PAX7: variants seen among roughly 807,000 people sequenced by gnomAD.
PAX7 encodes the protein paired box protein Pax-7.
In PAX7, 18 loss-of-function variants were observed where a neutral mutation model predicts 50.7. The ratio of observed to expected loss-of-function variants is 0.36; its 90% CI spans 0.25 to 0.53. PAX7 has a LOEUF of 0.53. Ranked by LOEUF, PAX7 falls within the 20% of genes least tolerant of loss-of-function variation. The pLI, the probability that PAX7 is intolerant of heterozygous loss-of-function variation, is 0.93. For synonymous variants in PAX7, 310 were observed against 290.4 expected, an observed-to-expected ratio of 1.07 and a Z score of -0.69; for missense variants, 644 against 702.9, an observed-to-expected ratio of 0.92 and a Z score of 0.95.
In PAX7 at chr1:18,691,739, C is replaced by G. The variant is rs2089072830; in HGVS notation, c.587-15C>G. 2 of 1,557,748 alleles carry G rather than the reference C, an allele frequency of 1.3e-6. No homozygotes were observed. The highest frequency in any genetic ancestry group is 3.9e-5 in the Admixed American group (2 of 51,568). On this transcript the variant is annotated splice_polypyrimidine_tract_variant and intron_variant, in intron 4 of 8. Coordinates refer to ENST00000420770, the MANE Select transcript of PAX7 (RefSeq NM_001135254.2). The stretch of plus-strand genomic sequence containing the variant: ...CTAAGCCCCTGCCTTCTCCCTCCCT[C>G]TCCTCCGGCTGTAGGGAACCGGCTG...
chr1:18,722,337 C>G (rs776216098), intron 7 of PAX7, among the ~76,000 whole-genome samples: 6 of 152,090 alleles, frequency 3.9e-5, no homozygotes, highest in African/African-American at 1.4e-4. Flanking sequence ...GCATCGCCAG[C>G]GAGAAAGCTA....
Position 18,634,710 on chromosome 1 carries a change from A to G in PAX7, c.321+172A>G, listed in dbSNP as rs1301795492. Reference sequence around the variant, plus strand: ...TTCCTATTATTTGAATTTCTCAGAGATGGAGCTAAGTGAGGTCTAGGTTGT... The same window carrying G: ...TTCCTATTATTTGAATTTCTCAGAGGTGGAGCTAAGTGAGGTCTAGGTTGT... On this transcript the variant is annotated intron_variant, in intron 2 of 8. Transcript: ENST00000420770. This position sits in a 1 kb window ranked among gnomAD's most constrained non-coding sequence, Gnocchi z 4.0. 6.6e-6 allele frequency among the ~76,000 whole-genome samples: 1 copy of G among 152,136 alleles called. No homozygotes were observed. The highest frequency in any genetic ancestry group is 1.5e-5 in the Non-Finnish European group (1 of 68,034).
intron 8 of PAX7, among the ~76,000 whole-genome samples, chr1:18,736,725 GA>G (rs1235988177): frequency 6.6e-6 from 1 of 152,196 alleles, no homozygotes; most frequent in Non-Finnish European, 1.5e-5. Context: ...TTGCAACTGA[GA>G]AAATATACTT....
chr1:18,703,262 A>C lies in PAX7; in HGVS notation c.1121A>C (p.His374Pro), dbSNP rs370927263. Residue 374 changes from histidine to proline, a missense_variant, in exon 7 of 9, where the codon CAC (histidine) becomes CCC (proline). Coordinates refer to ENST00000420770, the MANE Select transcript of PAX7 (RefSeq NM_001135254.2). The stretch of plus-strand genomic sequence containing the variant: ...ATGAATCCGGCGGCGCCCTCCAACC[A>C]CATGAACCCGGTCAGCAACGGCCTG... ...SFMNPAAPSN[H>P]MNPVSNGLSP... 19 of 1,613,972 alleles carry C rather than the reference A, an allele frequency of 1.2e-5. No homozygotes were observed. Among genetic ancestry groups the C allele is most frequent in the Non-Finnish European group, 1.6e-5 (19 of 1,180,032 alleles).
chr1:18,677,925 T>C (rs1043904402), intron 4 of PAX7, among the ~76,000 whole-genome samples: 2 of 150,688 alleles, frequency 1.3e-5, no homozygotes, highest in African/African-American at 2.4e-5. Context: ...CTACTAAGCA[T>C]ACAAAAATTA....
intron 4 of PAX7, among the ~76,000 whole-genome samples, chr1:18,673,472 C>G (rs1200265027): frequency 6.6e-6 from 1 of 152,146 alleles, no homozygotes; most frequent in Non-Finnish European, 1.5e-5. Flanking sequence ...TGTACCACCC[C>G]CTGCTAGTTT....
intron 7 of PAX7, among the ~76,000 whole-genome samples, chr1:18,729,050 A>G (rs1218858142): frequency 6.6e-6 from 1 of 152,218 alleles, no homozygotes; most frequent in Non-Finnish European, 1.5e-5. Context: ...CCAGACCCTT[A>G]GGAACCAAGG....
chr1:18,698,647 A>C (rs2089178304), intron 5 of PAX7, among the ~76,000 whole-genome samples: 1 of 152,178 alleles, frequency 6.6e-6, no homozygotes, highest in South Asian at 2.1e-4. Flanking sequence ...AGGCAAGGCC[A>C]TTCCTTGCAG....
intron 7 of PAX7, among the ~76,000 whole-genome samples, chr1:18,705,268 C>T (rs2089269341): frequency 6.6e-6 from 1 of 152,178 alleles, no homozygotes; most frequent in Admixed American, 6.5e-5. Flanking sequence ...CTAGTGCTAA[C>T]CTTCCAGAGC....
chr1:18,737,260 C>T (rs1331717292), intron 8 of PAX7, among the ~76,000 whole-genome samples: 1 of 152,248 alleles, frequency 6.6e-6, no homozygotes, highest in African/African-American at 2.4e-5. Context: ...GGTGAGGCCC[C>T]CATCCCTGAG....
intron 4 of PAX7, among the ~76,000 whole-genome samples, chr1:18,641,080 C>A (rs1444824353): frequency 1.3e-5 from 2 of 152,256 alleles, no homozygotes; most frequent in Non-Finnish European, 2.9e-5. Flanking sequence ...CACTGGCGCT[C>A]GCGCGCTCGC....
chr1:18,656,260 G>A (rs888280887), intron 4 of PAX7, among the ~76,000 whole-genome samples: 7 of 152,128 alleles, frequency 4.6e-5, no homozygotes, highest in African/African-American at 1.4e-4. Flanking sequence ...TTGGGAGGCC[G>A]AGGCAGGTGG....
chr1:18,691,525 T>C (rs1011196108), intron 4 of PAX7, among the ~76,000 whole-genome samples: 2 of 152,220 alleles, frequency 1.3e-5, no homozygotes, highest in Non-Finnish European at 2.9e-5. Context: ...TACAAGAAAG[T>C]ATTTAAGCAA....
At chr1:18,656,328 T>A (rs1446032819) in intron 4 of PAX7, among the ~76,000 whole-genome samples, 3 of 152,026 alleles carry the variant, frequency 2.0e-5, no homozygotes, top group African/African-American at 7.2e-5. Flanking sequence ...GCCCTGTCTC[T>A]ATTAAAAATA....
At chr1:18,684,502 C>A (rs1160939071) in intron 4 of PAX7, among the ~76,000 whole-genome samples, 1 of 152,250 alleles carries the variant, frequency 6.6e-6, no homozygotes, top group East Asian at 1.9e-4. Flanking sequence ...CGCAGCCACG[C>A]CCGAGCCCCG....
chr1:18,656,697 A>AG (rs2088527188), intron 4 of PAX7, among the ~76,000 whole-genome samples: 1 of 151,450 alleles, frequency 6.6e-6, no homozygotes, highest in South Asian at 2.1e-4. Flanking sequence ...GCATAAAAAA[A>AG]AGGGGGGGAT....
chr1:18,689,229 G>A (rs997109209), intron 4 of PAX7, among the ~76,000 whole-genome samples: 10 of 152,242 alleles, frequency 6.6e-5, no homozygotes, highest in Non-Finnish European at 1.2e-4. Context: ...CCCAAGGGCT[G>A]GCTTCCGTTG....
intron 4 of PAX7, among the ~76,000 whole-genome samples, chr1:18,671,380 T>C (rs534276329): frequency 1.3e-5 from 2 of 152,158 alleles, no homozygotes; most frequent in African/African-American, 4.8e-5. Flanking sequence ...AGAAAAGAAA[T>C]GGTAAAATCA....
chr1:18,642,226 A>G (rs1018729082), intron 4 of PAX7, among the ~76,000 whole-genome samples: 2 of 151,878 alleles, frequency 1.3e-5, no homozygotes, highest in African/African-American at 2.4e-5. Flanking sequence ...TGGAGTTTCT[A>G]TTTGCCATCA....
Sources: allele counts gnomAD v4.1 joint callset (sites outside exome capture counted in the v4.1 genomes callset), GRCh38; gene constraint gnomAD v4.1.1; non-coding constraint Gnocchi (gnomAD v3.1); transcripts MANE v1.5; gene names NCBI Gene and HGNC (gene_info 2026-07-23, HGNC 2026-07-21).